TNR: variants seen among roughly 807,000 people sequenced by gnomAD.
TNR encodes the protein tenascin-R.
A neutral mutation model predicts 150.4 loss-of-function variants in TNR; 45 were observed. That is an observed-to-expected ratio of 0.30 (90% CI 0.24 to 0.38). The LOEUF is 0.38. TNR is among the 10% of genes least tolerant of loss of function. The pLI is 1.00. For missense variants in TNR, 1,544 were observed against 1,759.1 expected, an observed-to-expected ratio of 0.88 and a Z score of 2.19; for synonymous variants, 687 against 678.4, an observed-to-expected ratio of 1.01 and a Z score of -0.20.
At chr1:175,447,389 G>A (rs1161546759) in intron 2 of TNR, among the ~76,000 whole-genome samples, 1 of 152,082 alleles carries the variant, frequency 6.6e-6, no homozygotes, top group Non-Finnish European at 1.5e-5. Flanking sequence ...TTTGGAGGGT[G>A]GGCAGCGGGA....
intron 1 of TNR, among the ~76,000 whole-genome samples, chr1:175,542,257 AC>A (rs1406462021): frequency 8.6e-5 from 13 of 151,794 alleles, no homozygotes; most frequent in African/African-American, 3.2e-4. Context: ...AAAATACTAT[AC>A]CCCTCCTCTC....
At chr1:175,448,422 G>A (rs1571454507) in intron 2 of TNR, among the ~76,000 whole-genome samples, 1 of 152,110 alleles carries the variant, frequency 6.6e-6, no homozygotes, top group South Asian at 2.1e-4. Flanking sequence ...ATGTTAGCCA[G>A]GATGGTCTCG....
Position 175,704,623 on chromosome 1 carries a change from G to A in TNR, c.-165+38603C>T, listed in dbSNP as rs560768016. Among the ~76,000 whole-genome samples the A allele has an allele frequency of 4.2e-4, 64 of 152,318 alleles. 1 individual carries two copies. In the South Asian group the frequency reaches 7.0e-3, roughly 17 times the overall value. On this transcript the variant is annotated intron_variant, in intron 1 of 22. Transcript: ENST00000367674. ...CCAGAGATGCTTTCCCCAATGGGGA[G>A]GAGCAGGGGAGGTGATGCAGAAGGA...
At chr1:175,577,475 G>A (rs1026496568) in intron 1 of TNR, among the ~76,000 whole-genome samples, 48 of 152,106 alleles carry the variant, frequency 3.2e-4, no homozygotes, top group African/African-American at 1.1e-3. Flanking sequence ...CTCTTGCCAT[G>A]ATTTATCTGA....
intron 1 of TNR, among the ~76,000 whole-genome samples, chr1:175,667,261 GTGGCAGTT>G (rs1230591155): frequency 6.6e-6 from 1 of 152,192 alleles, no homozygotes; most frequent in Non-Finnish European, 1.5e-5. Flanking sequence ...TCTGCTCTGT[GTGGCAGTT>G]CATTGTGGAT....
At chr1:175,370,930 G>A (rs767433642) in intron 9 of TNR, among the ~76,000 whole-genome samples, 1 of 152,132 alleles carries the variant, frequency 6.6e-6, no homozygotes, top group African/African-American at 2.4e-5. Flanking sequence ...CTCTTCCCAG[G>A]TTTTCTGTCT....
At chr1:175,650,813 C>T (rs1054321189) in intron 1 of TNR, among the ~76,000 whole-genome samples, 1 of 3,814 alleles carries the variant, frequency 2.6e-4, no homozygotes, top group Non-Finnish European at 5.3e-4. Flanking sequence ...TACTACCTGT[C>T]CCCCACCTCC....
intron 2 of TNR, among the ~76,000 whole-genome samples, chr1:175,413,289 G>T (rs1025296851): frequency 6.6e-6 from 1 of 152,222 alleles, no homozygotes; most frequent in Non-Finnish European, 1.5e-5. Flanking sequence ...GCCTCCCAAA[G>T]TGTTGGGATT....
At chr1:175,372,159 T>C (rs1364861709) in intron 9 of TNR, among the ~76,000 whole-genome samples, 1 of 152,196 alleles carries the variant, frequency 6.6e-6, no homozygotes, top group African/African-American at 2.4e-5. Context: ...TCCCGCATGA[T>C]TGTAAGCTTT....
At chr1:175,699,728 G>A (rs1666630876) in intron 1 of TNR, among the ~76,000 whole-genome samples, 1 of 152,148 alleles carries the variant, frequency 6.6e-6, no homozygotes, top group South Asian at 2.1e-4. Context: ...TTACAACAGA[G>A]ATTGTGGAAG....
rs397745737 is a variant in TNR at position 175,647,435 on chromosome 1, C to CAAAAAAAAAAAAAAAAAAAAAAAAA, written c.-165+95790_-165+95791insTTTTTTTTTTTTTTTTTTTTTTTTT. Among the ~76,000 whole-genome samples the CAAAAAAAAAAAAAAAAAAAAAAAAA allele has an allele frequency of 8.9e-4, 108 of 121,606 alleles. 1 individual carries two copies. Among genetic ancestry groups the CAAAAAAAAAAAAAAAAAAAAAAAAA allele is most frequent in the African/African-American group, 3.1e-3 (102 of 32,694 alleles). 79.8% of individuals were successfully genotyped at this position (121,606 alleles called of 152,430 possible). A position where few individuals can be genotyped will look rare whatever the true frequency, so the allele number is the denominator to read the frequency against. On this transcript the variant is annotated intron_variant, in intron 1 of 22. Transcript: ENST00000367674. Reference sequence around the variant, plus strand: ...AAAATACGCTTGTTACTATTCGGTGCAAAAAAAAAAAAAACCTCATTGTCT... The same window carrying CAAAAAAAAAAAAAAAAAAAAAAAAA: ...AAAATACGCTTGTTACTATTCGGTGCAAAAAAAAAAAAAAAAAAAAAAAAAAAAAAAAAAAAAAACCTCATTGTCT...
intron 18 of TNR, among the ~76,000 whole-genome samples, chr1:175,346,937 T>C (rs968340571): frequency 6.6e-6 from 1 of 151,308 alleles, no homozygotes; most frequent in Non-Finnish European, 1.5e-5. Flanking sequence ...AAGATGAAGC[T>C]GTCTAGCTTT....
At chr1:175,498,869 A>C (rs1227129524) in intron 2 of TNR, among the ~76,000 whole-genome samples, 4 of 152,188 alleles carry the variant, frequency 2.6e-5, no homozygotes, top group African/African-American at 9.7e-5. Flanking sequence ...TATTAATAAT[A>C]TGCGCTATGT....
chr1:175,615,556 C>T (rs1055032750), intron 1 of TNR, among the ~76,000 whole-genome samples: 1 of 152,190 alleles, frequency 6.6e-6, no homozygotes, highest in Non-Finnish European at 1.5e-5. Flanking sequence ...GCTTCGAGGT[C>T]ACAGAGCCTA....
intron 1 of TNR, among the ~76,000 whole-genome samples, chr1:175,569,036 G>A (rs775352632): frequency 1.5e-4 from 23 of 152,110 alleles, no homozygotes; most frequent in Non-Finnish European, 3.1e-4. Context: ...GGAAGGGCCC[G>A]TGGTTGGCCG....
intron 1 of TNR, among the ~76,000 whole-genome samples, chr1:175,685,023 G>C (rs1666147167): frequency 6.6e-6 from 1 of 151,954 alleles, no homozygotes; most frequent in Admixed American, 6.6e-5. Flanking sequence ...CATCAAGGGG[G>C]CTTGGTTCTT....
chr1:175,506,446 G>A (rs1328223010), intron 2 of TNR, among the ~76,000 whole-genome samples: 1 of 152,182 alleles, frequency 6.6e-6, no homozygotes, highest in African/African-American at 2.4e-5. Context: ...GAATGTGGCT[G>A]TTTTTGGAAA....
In TNR at chr1:175,475,415, G is replaced by A. The variant is rs891328960; in HGVS notation, c.-64+52854C>T. On this transcript the variant is annotated intron_variant, in intron 2 of 22. Transcript: ENST00000367674. ...GAGATGACATGTAAGTGTGGTGGAC[G>A]TGCTGGCTTTTCAGGGGTGACAGGA... Among the ~76,000 whole-genome samples, 25 of 152,314 alleles carry A rather than the reference G, an allele frequency of 1.6e-4. 1 individual carries two copies. The highest frequency in any genetic ancestry group is 3.4e-3 in the Middle Eastern group (1 of 294).
At chr1:175,708,573 C>T (rs955613901) in intron 1 of TNR, among the ~76,000 whole-genome samples, 28 of 152,148 alleles carry the variant, frequency 1.8e-4, no homozygotes, top group Non-Finnish European at 4.4e-5. Flanking sequence ...ACTTGGCTTC[C>T]TTCCACAATG....
Sources: gnomAD v4.1 joint callset for allele counts (sites outside exome capture counted in the v4.1 genomes callset) on GRCh38, gnomAD v4.1.1 for gene constraint, MANE v1.5 for transcripts, NCBI Gene and HGNC (gene_info 2026-07-23, HGNC 2026-07-21) for gene names.